SARDH: variants seen among roughly 807,000 people sequenced by gnomAD.
SARDH encodes the protein sarcosine dehydrogenase.
SARDH carries 95 observed loss-of-function variants against 109.1 expected under a neutral mutation model. That is an observed-to-expected ratio of 0.87 (90% CI 0.74 to 1.03). SARDH has a LOEUF of 1.03. Among genes scored for constraint, SARDH ranks in the 50% least tolerant of loss-of-function variants. SARDH has a pLI of 0.00. For missense variants in SARDH, 1,267 were observed against 1,287.8 expected (o/e 0.98, Z 0.25); for synonymous variants, 572 against 534.8 (o/e 1.07, Z -0.96).
intron 10 of SARDH, among the ~76,000 whole-genome samples, chr9:133,710,174 A>G (rs1588432998): frequency 6.6e-6 from 1 of 152,216 alleles, no homozygotes; most frequent in South Asian, 2.1e-4. Context: ...TCTGTTGGGT[A>G]CTGGGCCAAG....
intron 6 of SARDH, among the ~76,000 whole-genome samples, chr9:133,721,191 C>T (rs888584944): frequency 6.6e-6 from 1 of 152,160 alleles, no homozygotes; most frequent in African/African-American, 2.4e-5. Context: ...CCCACCAAGC[C>T]CTGAGTCTGG....
In SARDH at chr9:133,704,798, C is replaced by T. The variant is rs1046033267; in HGVS notation, c.1554+150G>A. On this transcript the variant is annotated intron_variant, in intron 12 of 20. Transcript: ENST00000439388. This position sits in a 1 kb window ranked among gnomAD's most constrained non-coding sequence, Gnocchi z 4.5. ...GCCTTGGGGGCAGGTCGGCAGGGCT[C>T]GGCTTCCCGTGTGCAGAATAACTGA... is the stretch of plus-strand genomic sequence containing the variant. The T allele has an allele frequency of 2.1e-5, 14 of 666,472 alleles. No homozygotes were observed. The highest frequency in any genetic ancestry group is 4.1e-4 in the Middle Eastern group (1 of 2,438). The allele number at this position is 666,472 out of a possible 1,614,324, so 41.3% of individuals were successfully genotyped here.
intron 2 of SARDH, among the ~76,000 whole-genome samples, chr9:133,733,606 C>T (rs1832759723): frequency 6.6e-6 from 1 of 152,232 alleles, no homozygotes; most frequent in Non-Finnish European, 1.5e-5. Flanking sequence ...GCCCCAGCTT[C>T]ACTCTCCAGG....
intron 17 of SARDH, among the ~76,000 whole-genome samples, chr9:133,678,604 C>T (rs936589318): frequency 1.3e-5 from 2 of 152,202 alleles, no homozygotes; most frequent in African/African-American, 2.4e-5. Context: ...GGTCCTGTCC[C>T]ATGCCTGGGA....
At chr9:133,698,567 A>G (rs1588418405) in intron 13 of SARDH, among the ~76,000 whole-genome samples, 3 of 152,386 alleles carry the variant, frequency 2.0e-5, no homozygotes, top group Admixed American at 2.0e-4. Flanking sequence ...GAGGTACTAA[A>G]TAAGAATAGA....
At chr9:133,729,680 A>G in intron 6 of SARDH, 85 bp downstream of exon 6, 1 of 1,219,598 alleles carries the variant, frequency 8.2e-7, no homozygotes, top group Non-Finnish European at 1.2e-6. Context: ...CACAAGGGTC[A>G]CACCACCTGG....
At chr9:133,724,641 A>T (rs1332714475) in intron 6 of SARDH, among the ~76,000 whole-genome samples, 1 of 152,150 alleles carries the variant, frequency 6.6e-6, no homozygotes, top group Non-Finnish European at 1.5e-5. Context: ...TTACCATATG[A>T]CTCAGTAATT....
downstream of SARDH, among the ~76,000 whole-genome samples, chr9:133,661,481 CT>C (rs1253912172): frequency 4.0e-5 from 6 of 151,168 alleles, no homozygotes; most frequent in Non-Finnish European, 8.8e-5. Context: ...TAGGCACTTT[CT>C]TTTTTTTGTT....
Position 133,712,781 on chromosome 9 carries a change from C to T in SARDH, c.1238-72G>A. 7.1e-7 allele frequency: 1 copy of T among 1,416,866 alleles called. No individual in the cohort carries two copies. The highest frequency in any genetic ancestry group is 9.8e-7 in the Non-Finnish European group (1 of 1,020,170). The allele number at this position is 1,416,866 out of a possible 1,614,324, so 87.8% of individuals were successfully genotyped here. On this transcript the variant is annotated intron_variant, in intron 9 of 20. Coordinates refer to ENST00000439388, the MANE Select transcript of SARDH (RefSeq NM_001134707.2). The surrounding 1 kb of genome is among the most constrained non-coding windows in gnomAD (Gnocchi z 4.1). ...CCCACCCATGTCCAAACATGTGCCC[C>T]CATCTCCACGGACAGCACAGACACT...
At chr9:133,688,756 C>T (rs1297645657) in intron 16 of SARDH, among the ~76,000 whole-genome samples, 1 of 152,246 alleles carries the variant, frequency 6.6e-6, no homozygotes, top group African/African-American at 2.4e-5. Flanking sequence ...AGCAGTTCCC[C>T]CAGAACACCA....
chr9:133,708,485 T>C, intron 10 of SARDH, 57 bp from the exon 11 acceptor site: 1 of 1,562,476 alleles, frequency 6.4e-7, no homozygotes, highest in Non-Finnish European at 8.6e-7. Context: ...AGGGAAGGGC[T>C]AGCCTAGGAC....
At chr9:133,677,352 G>A (rs1830551585) in intron 17 of SARDH, among the ~76,000 whole-genome samples, 1 of 152,164 alleles carries the variant, frequency 6.6e-6, no homozygotes, top group Non-Finnish European at 1.5e-5. Context: ...CACGATTCTT[G>A]TTGAAAGAAT....
intron 20 of SARDH, 80 bp from the exon 21 acceptor site, chr9:133,664,094 GGGTCTT>G: frequency 6.4e-7 from 1 of 1,554,636 alleles, no homozygotes; most frequent in Non-Finnish European, 8.7e-7. Context: ...CTGGAGGAGG[GGGTCTT>G]GGTCTTGCTA....
Position 133,708,350 on chromosome 9 carries a change from G to A in SARDH, c.1407C>T (p.Ser469=), listed in dbSNP as rs370979903. ...GCGGCTCATCGTGGGGGAAGACGAC[G>A]GAGTAGTTCTTGGCGTAGGACTCAT... ...RSHESYAKNY[S]VVFPHDEPLA... is the part of the protein sequence containing the mutation. The change falls in exon 11 of 21, where the codon TCC becomes TCT. Residue 469 remains serine, a synonymous_variant. Coordinates refer to ENST00000439388, the MANE Select transcript of SARDH (RefSeq NM_001134707.2). 65 of 1,613,262 alleles carry A rather than the reference G, an allele frequency of 4.0e-5. 1 individual carries two copies. The South Asian group carries it at 4.9e-4, about 12-fold the overall frequency.
Position 133,690,370 on chromosome 9 carries a change from C to A in SARDH, c.2069+10G>T. ...GTGCACCCAGGGGCGGGCTCCCAGT[C>A]CTCTCTCACCTGGCTGGGCCCTGGA... On this transcript the variant is annotated intron_variant, in intron 16 of 20. Transcript: ENST00000439388. 1 of 1,603,486 alleles carries A rather than the reference C, an allele frequency of 6.2e-7. No individual in the cohort carries two copies. The highest frequency in any genetic ancestry group is 1.3e-5 in the African/African-American group (1 of 74,936).
chr9:133,731,503 G>A lies in SARDH; in HGVS notation c.511-19C>T. On this transcript the variant is annotated intron_variant, in intron 3 of 20. Coordinates refer to ENST00000439388, the MANE Select transcript of SARDH (RefSeq NM_001134707.2). ...TGCCCAGCTAGGGGGACCCAGGGGA[G>A]GTTAACTGAGTCCGTGGGGAGCAGA... 6.2e-7 allele frequency: 1 copy of A among 1,612,906 alleles called. No individual in the cohort carries two copies. Among genetic ancestry groups the A allele is most frequent in the Non-Finnish European group, 8.5e-7 (1 of 1,179,226 alleles).
intron 2 of SARDH, 132 bp from the exon 3 acceptor site, chr9:133,732,733 T>G (rs1832733011): frequency 1.6e-5 from 16 of 998,276 alleles, no homozygotes; most frequent in Non-Finnish European, 2.1e-5. Flanking sequence ...CTGCAGGACC[T>G]GGGGGGCCTG....
At chr9:133,687,959 G>T (rs961778398) in intron 16 of SARDH, among the ~76,000 whole-genome samples, 2 of 152,094 alleles carry the variant, frequency 1.3e-5, no homozygotes, top group African/African-American at 2.4e-5. Flanking sequence ...CCCCGCCACC[G>T]CCTGGAGCAG....
intron 17 of SARDH, among the ~76,000 whole-genome samples, chr9:133,683,448 C>A (rs1466747613): frequency 6.6e-6 from 1 of 152,258 alleles, no homozygotes; most frequent in East Asian, 1.9e-4. Flanking sequence ...CAGAACCCAG[C>A]TGCAGACAAA....
Sources: allele counts gnomAD v4.1 joint callset (sites outside exome capture counted in the v4.1 genomes callset), GRCh38; gene constraint gnomAD v4.1.1; non-coding constraint Gnocchi (gnomAD v3.1); transcripts MANE v1.5; gene names NCBI Gene and HGNC (gene_info 2026-07-23, HGNC 2026-07-21).